TET2: variants seen among roughly 807,000 people sequenced by gnomAD.
TET2 encodes tet methylcytosine dioxygenase 2.
In TET2, 299 loss-of-function variants were observed where a neutral mutation model predicts 142.9. The observed-to-expected ratio is 2.09, with a 90% CI of 1.90 to 2.30. The LOEUF (loss-of-function observed/expected upper bound fraction) is 2.30, where lower values mean the gene tolerates loss of function less well. Ranked by LOEUF, TET2 falls within the 30% of genes most tolerant of loss-of-function variation. The probability of loss-of-function intolerance (pLI) is 0.00; values close to 1 mark genes in which losing one functional copy is unlikely to be tolerated. For missense variants in TET2, 2,418 were observed against 2,378.0 expected, an observed-to-expected ratio of 1.02 and a Z score of -0.35; for synonymous variants, 819 against 849.0, an observed-to-expected ratio of 0.96 and a Z score of 0.61.
At chr4:105,247,088 T>C (rs1387815886) in intron 6 of TET2, among the ~76,000 whole-genome samples, 1 of 152,148 alleles carries the variant, frequency 6.6e-6, no homozygotes, top group African/African-American at 2.4e-5. Flanking sequence ...ATAAAAATTG[T>C]CAAACATAAA....
chr4:105,243,520 T>A, intron 5 of TET2, 50 bp from the exon 6 acceptor site: 1 of 1,515,972 alleles, frequency 6.6e-7, no homozygotes, highest in Non-Finnish European at 9.0e-7. Flanking sequence ...ACCCTTGTTT[T>A]GTTTTGGTTG....
chr4:105,257,969 TTAGAGTATATCCAACCAGTC>T (rs367657570), intron 6 of TET2, among the ~76,000 whole-genome samples: 80 of 152,244 alleles, frequency 5.3e-4, no homozygotes, highest in African/African-American at 1.5e-3. Flanking sequence ...GAATGGGACT[TTAGAGTATATCCAACCAGTC>T]TAGAGTATAT....
intron 3 of TET2, chr4:105,238,314 T>G (rs890316486): frequency 4.2e-6 from 1 of 238,832 alleles, no homozygotes. Context: ...TGGCAATTTC[T>G]TAAAATAAGA....
At position 105,276,411 on chromosome 4, in the gene TET2, C is replaced by A; in HGVS notation, c.5901C>A (p.Phe1967Leu). The change falls in exon 11 of 11, where the codon TTC (phenylalanine) becomes TTA (leucine). Residue 1967 changes from phenylalanine to leucine, a missense_variant. Phe to Leu is a conservative substitution (Grantham distance 22, BLOSUM62 0). Transcript: ENST00000380013. Reference protein sequence around the residue: ...HETSEPTYLRFIKSLAERTMS... With the variant: ...HETSEPTYLRLIKSLAERTMS... ...CTTCAGAGCCCACTTACCTGCGTTT[C>A]ATCAAGTCTCTTGCCGAAAGGACCA... The A allele has an allele frequency of 6.4e-7, 1 of 1,551,984 alleles. No individual in the cohort carries two copies. The highest frequency in any genetic ancestry group is 8.7e-7 in the Non-Finnish European group (1 of 1,147,052).
At chr4:105,201,008 G>C (rs965430935) in intron 2 of TET2, among the ~76,000 whole-genome samples, 2 of 152,124 alleles carry the variant, frequency 1.3e-5, no homozygotes, top group African/African-American at 2.4e-5. Flanking sequence ...CTTCACTGGA[G>C]TGCTTATGTC....
At chr4:105,204,230 TATATAC>T (rs1267716545) in intron 2 of TET2, among the ~76,000 whole-genome samples, 3 of 100,500 alleles carry the variant, frequency 3.0e-5, no homozygotes, top group Non-Finnish European at 4.2e-5. Flanking sequence ...AAAAAAAAAA[TATATAC>T]ACACACACAC....
At chr4:105,163,784 G>C (rs2110386964) in intron 1 of TET2, among the ~76,000 whole-genome samples, 2 of 148,588 alleles carry the variant, frequency 1.3e-5, no homozygotes, top group South Asian at 4.3e-4. Context: ...CAAGCAGTCT[G>C]GTGTTTGGAG....
At chr4:105,165,220 A>G (rs1724090017) in intron 1 of TET2, among the ~76,000 whole-genome samples, 1 of 152,070 alleles carries the variant, frequency 6.6e-6, no homozygotes, top group South Asian at 2.1e-4. Flanking sequence ...ACCAAAAAAT[A>G]CAAAAATTAG....
chr4:105,154,938 T>A (rs1485307147), intron 1 of TET2, among the ~76,000 whole-genome samples: 1 of 152,066 alleles, frequency 6.6e-6, no homozygotes, highest in African/African-American at 2.4e-5. Flanking sequence ...GGCGGGAGGA[T>A]GGCTCGAGCC....
intron 2 of TET2, among the ~76,000 whole-genome samples, chr4:105,197,645 A>G (rs1331477352): frequency 6.6e-6 from 1 of 152,250 alleles, no homozygotes; most frequent in Non-Finnish European, 1.5e-5. Context: ...TTCCCTGACC[A>G]AAGAGTAAAA....
Position 105,279,590 on chromosome 4 carries a change from C to T in TET2, c.*3071C>T, listed in dbSNP as rs1731365915. Reference sequence around the variant, plus strand: ...CTTTTGCAGTTTGACACTAAGATAACTTCTGTGTGCATTTTTCTATGCTTT... The same window carrying T: ...CTTTTGCAGTTTGACACTAAGATAATTTCTGTGTGCATTTTTCTATGCTTT... On this transcript the variant is annotated 3_prime_UTR_variant, in exon 11 of 11. Transcript: ENST00000380013. 1 of 232,240 alleles carries T rather than the reference C, an allele frequency of 4.3e-6. No homozygotes were observed. 14.4% of individuals were successfully genotyped at this position (232,240 alleles called of 1,614,324 possible). A position where few individuals can be genotyped will look rare whatever the true frequency, so the allele number is the denominator to read the frequency against.
intron 1 of TET2, among the ~76,000 whole-genome samples, chr4:105,181,177 G>A (rs888574461): frequency 6.6e-6 from 1 of 151,904 alleles, no homozygotes; most frequent in African/African-American, 2.4e-5. Flanking sequence ...TCTCAGCTAC[G>A]ATCTATATAC....
At position 105,235,058 on chromosome 4, in the gene TET2, A is replaced by T; in HGVS notation, c.1116A>T (p.Lys372Asn). Residue 372 changes from lysine (K) to asparagine (N), a missense_variant, in exon 3 of 11, where the codon AAA (lysine) becomes AAT (asparagine). By Grantham distance (94) the Lys-to-Asn change is moderately conservative. Transcript: ENST00000380013. ...APGGSSERYL[K>N]QNEMNGAYFK... The stretch of plus-strand genomic sequence containing the variant: ...GTGGCAGCTCTGAACGGTATTTAAA[A>T]CAAAATGAAATGAATGGTGCTTACT... 1.2e-6 allele frequency: 2 copies of T among 1,614,130 alleles called. No individual in the cohort carries two copies. Among genetic ancestry groups the T allele is most frequent in the Non-Finnish European group, 1.7e-6 (2 of 1,180,018 alleles).
chr4:105,204,234 T>TATACACAC (rs1553948997), intron 2 of TET2, among the ~76,000 whole-genome samples: 1 of 125,968 alleles, frequency 7.9e-6, no homozygotes. Context: ...AAAAAATATA[T>TATACACAC]ACACACACAC....
intron 9 of TET2, among the ~76,000 whole-genome samples, chr4:105,271,166 C>T (rs1730946592): frequency 6.6e-6 from 1 of 152,150 alleles, no homozygotes; most frequent in South Asian, 2.1e-4. Context: ...TCTTAGTTTA[C>T]TGGCCATACA....
At chr4:105,212,508 T>C (rs1046352679) in intron 2 of TET2, among the ~76,000 whole-genome samples, 21 of 152,196 alleles carry the variant, frequency 1.4e-4, no homozygotes, top group African/African-American at 3.9e-4. Context: ...TACACACATA[T>C]ATACATGCCT....
At chr4:105,240,991 T>G in intron 3 of TET2, 1 of 1,087,364 alleles carries the variant, frequency 9.2e-7, no homozygotes, top group Non-Finnish European at 1.1e-6. Context: ...TTAAATGTTT[T>G]TTTTTTCCAG....
intron 1 of TET2, among the ~76,000 whole-genome samples, chr4:105,185,608 G>T (rs1560734082): frequency 6.6e-6 from 1 of 151,896 alleles, no homozygotes; most frequent in East Asian, 2.0e-4. Context: ...GTGAAATCCC[G>T]TCTCTACTAA....
Position 105,237,313 on chromosome 4 carries a change from T to C in TET2, c.3371T>C (p.Val1124Ala). ...ATAAAAAATTTATTGGATACACCTGTCAAGACTCAATATGATTTCCCATCT... is the reference window on the plus strand; with the variant it reads ...ATAAAAAATTTATTGGATACACCTGCCAAGACTCAATATGATTTCCCATCT... ...TPIKNLLDTPVKTQYDFPSCR... is the reference protein window; with the variant it reads ...TPIKNLLDTPAKTQYDFPSCR... Residue 1124 changes from valine (V) to alanine (A), a missense_variant, in exon 3 of 11, where the codon GTC becomes GCC. Coordinates refer to ENST00000380013, the MANE Select transcript of TET2 (RefSeq NM_001127208.3). 6.2e-7 allele frequency: 1 copy of C among 1,614,160 alleles called. No homozygotes were observed. The highest frequency in any genetic ancestry group is 8.5e-7 in the Non-Finnish European group (1 of 1,179,988).
Sources: allele counts gnomAD v4.1 joint callset (sites outside exome capture counted in the v4.1 genomes callset), GRCh38; gene constraint gnomAD v4.1.1; transcripts MANE v1.5; gene names NCBI Gene and HGNC (gene_info 2026-07-23, HGNC 2026-07-21).